The following CCDC126 variants were observed in gnomAD, a reference collection of about 807,000 sequenced individuals.
The protein encoded by CCDC126 is coiled-coil domain containing 126.
CCDC126 carries 5 observed loss-of-function variants against 11.7 expected under a neutral mutation model. The observed-to-expected ratio is 0.43, with a 90% CI of 0.22 to 0.90. The LOEUF (loss-of-function observed/expected upper bound fraction) is 0.90, where lower values mean the gene tolerates loss of function less well. Among genes scored for constraint, CCDC126 ranks in the 40% least tolerant of loss-of-function variants. CCDC126 has a pLI of 0.27. For missense variants in CCDC126, 150 were observed against 163.1 expected, an observed-to-expected ratio of 0.92 and a Z score of 0.44; for synonymous variants, 60 against 61.9, an observed-to-expected ratio of 0.97 and a Z score of 0.14.
At chr7:23,623,636 A>G (rs1177517307) in intron 3 of CCDC126, among the ~76,000 whole-genome samples, 2 of 152,110 alleles carry the variant, frequency 1.3e-5, no homozygotes, top group African/African-American at 4.8e-5. Context: ...AAAGGGTACA[A>G]AATCTCAGAC....
At chr7:23,629,485 TAAGACA>T (rs1783070736) in intron 3 of CCDC126, among the ~76,000 whole-genome samples, 2 of 152,140 alleles carry the variant, frequency 1.3e-5, no homozygotes, top group South Asian at 4.1e-4. Context: ...CTGAATAGGC[TAAGACA>T]ATGATATATT....
intron 3 of CCDC126, among the ~76,000 whole-genome samples, chr7:23,631,540 A>T (rs898301840): frequency 6.6e-6 from 1 of 152,106 alleles, no homozygotes; most frequent in Non-Finnish European, 1.5e-5. Context: ...GCCGAGGTGG[A>T]TCATGAGGTC....
Position 23,638,727 on chromosome 7 carries a change from T to TAAAAAAAAAAAAAAAA in CCDC126, c.239-4200_239-4185dup, listed in dbSNP as rs70954398. 7.8e-5 allele frequency among the ~76,000 whole-genome samples: 7 copies of TAAAAAAAAAAAAAAAA among 89,666 alleles called. 1 individual carries two copies. The highest frequency in any genetic ancestry group is 2.8e-4 in the African/African-American group (7 of 24,858). The allele number at this position is 89,666 out of a possible 152,430, so 58.8% of individuals were successfully genotyped here. A position where few individuals can be genotyped will look rare whatever the true frequency, so the allele number is the denominator to read the frequency against. On this transcript the variant is annotated intron_variant, in intron 3 of 3. Transcript: ENST00000307471. Reference sequence around the variant, plus strand: ...GAATGATCAATAAAAAAAAAAAAATTAAAAAAAAAAAAAAAAAAACCAAAA... The same window carrying TAAAAAAAAAAAAAAAA: ...GAATGATCAATAAAAAAAAAAAAATTAAAAAAAAAAAAAAAAAAAAAAAAAAAAAAAAAAACCAAAA...
At chr7:23,625,538 T>G (rs1004321628) in intron 3 of CCDC126, among the ~76,000 whole-genome samples, 2 of 152,180 alleles carry the variant, frequency 1.3e-5, no homozygotes, top group Non-Finnish European at 2.9e-5. Context: ...GGTTAAAAGA[T>G]TTTTTTAAAT....
chr7:23,610,727 T>C (rs537500848), intron 2 of CCDC126, among the ~76,000 whole-genome samples: 1 of 152,330 alleles, frequency 6.6e-6, no homozygotes, highest in South Asian at 2.1e-4. Flanking sequence ...GAATTCTTTT[T>C]AGACAGGCAT....
intron 2 of CCDC126, among the ~76,000 whole-genome samples, chr7:23,598,954 G>T (rs1187734953): frequency 6.6e-6 from 1 of 152,154 alleles, no homozygotes; most frequent in Non-Finnish European, 1.5e-5. Flanking sequence ...AAGGTTTTTA[G>T]AGGTTTTTTT....
At chr7:23,640,758 G>A (rs1262881105) in intron 3 of CCDC126, among the ~76,000 whole-genome samples, 5 of 151,950 alleles carry the variant, frequency 3.3e-5, no homozygotes, top group African/African-American at 1.2e-4. Context: ...TTGATGTCTG[G>A]CTTATTTCAC....
chr7:23,609,832 A>T (rs1782676728), intron 2 of CCDC126, among the ~76,000 whole-genome samples: 5 of 152,244 alleles, frequency 3.3e-5, no homozygotes, highest in Admixed American at 2.6e-4. Flanking sequence ...ACTGTACTCC[A>T]GCCTGAGTGA....
intron 2 of CCDC126, among the ~76,000 whole-genome samples, chr7:23,606,158 A>G (rs1397379128): frequency 4.6e-5 from 7 of 152,060 alleles, no homozygotes; most frequent in Admixed American, 3.9e-4. Flanking sequence ...TCCTGGGTTC[A>G]CGCCATTCTC....
chr7:23,618,538 ATTTTTTTTTT>A (rs5741645), intron 3 of CCDC126, among the ~76,000 whole-genome samples: 3 of 119,600 alleles, frequency 2.5e-5, no homozygotes, highest in Non-Finnish European at 3.5e-5. Flanking sequence ...GATCAGCTAA[ATTTTTTTTTT>A]TTTTTTTTTT....
chr7:23,630,114 G>C (rs1170978534), intron 3 of CCDC126, among the ~76,000 whole-genome samples: 1 of 152,176 alleles, frequency 6.6e-6, no homozygotes, highest in African/African-American at 2.4e-5. Flanking sequence ...TACATAAAAA[G>C]TTTACATATT....
At chr7:23,625,713 T>C (rs1169208100) in intron 3 of CCDC126, among the ~76,000 whole-genome samples, 1 of 137,734 alleles carries the variant, frequency 7.3e-6, no homozygotes, top group African/African-American at 2.9e-5. Flanking sequence ...TGGAGTGCAA[T>C]GGCGCTCTCT....
intron 3 of CCDC126, among the ~76,000 whole-genome samples, chr7:23,629,418 A>T (rs1783069504): frequency 6.6e-6 from 1 of 152,326 alleles, no homozygotes; most frequent in African/African-American, 2.4e-5. Flanking sequence ...AGCCTCCAGA[A>T]CTGTGAGAAA....
chr7:23,621,101 TC>T (rs1343320167), intron 3 of CCDC126, among the ~76,000 whole-genome samples: 1 of 152,206 alleles, frequency 6.6e-6, no homozygotes. Context: ...AGTAGTTTTT[TC>T]CAATTCTGTG....
rs532111005 is a variant in CCDC126 at position 23,600,377 on chromosome 7, C to G, written c.-146+2326C>G. 7.0e-3 allele frequency among the ~76,000 whole-genome samples: 873 copies of G among 124,718 alleles called. 26 individuals are homozygous for G. The highest frequency in any genetic ancestry group is 0.017 in the African/African-American group (491 of 28,230). 81.8% of individuals were successfully genotyped at this position (124,718 alleles called of 152,430 possible). A position where few individuals can be genotyped will look rare whatever the true frequency, so the allele number is the denominator to read the frequency against. ...CGAATGGCTGTGTTCTGTGTTAACC[C>G]CCCCCCCCCCACCACCATATTAGCC... On this transcript the variant is annotated intron_variant, in intron 2 of 3. Transcript: ENST00000307471.
intron 2 of CCDC126, among the ~76,000 whole-genome samples, chr7:23,605,148 C>G (rs191182814): frequency 1.7e-4 from 26 of 151,900 alleles, no homozygotes; most frequent in Admixed American, 9.8e-4. Flanking sequence ...GGAAAGTACT[C>G]CAAGCTAGGG....
intron 3 of CCDC126, among the ~76,000 whole-genome samples, chr7:23,618,660 C>T (rs1294394273): frequency 6.6e-6 from 1 of 151,382 alleles, no homozygotes; most frequent in Non-Finnish European, 1.5e-5. Flanking sequence ...AAGTGACTCT[C>T]CTGCCTCAGC....
At chr7:23,620,671 G>C (rs1176632004) in intron 3 of CCDC126, among the ~76,000 whole-genome samples, 2 of 152,076 alleles carry the variant, frequency 1.3e-5, no homozygotes, top group African/African-American at 4.8e-5. Flanking sequence ...TGTCCTGAAT[G>C]GTATTGCCTA....
intron 3 of CCDC126, among the ~76,000 whole-genome samples, chr7:23,623,417 C>T (rs902610909): frequency 7.9e-5 from 12 of 151,832 alleles, no homozygotes; most frequent in Non-Finnish European, 1.8e-4. Context: ...GACAACATGG[C>T]GAAACCCCAT....
Sources: allele counts gnomAD v4.1 joint callset (sites outside exome capture counted in the v4.1 genomes callset), GRCh38; gene constraint gnomAD v4.1.1; transcripts MANE v1.5; gene names NCBI Gene and HGNC (gene_info 2026-07-23, HGNC 2026-07-21).